MAML2: variants seen among roughly 807,000 people sequenced by gnomAD.
MAML2 encodes the protein mastermind like transcriptional coactivator 2.
MAML2 carries 22 observed loss-of-function variants against 96.1 expected under a neutral mutation model. The ratio of observed to expected loss-of-function variants is 0.23; its 90% confidence interval spans 0.16 to 0.33. The LOEUF is 0.33. Among genes scored for constraint, MAML2 ranks in the 10% least tolerant of loss-of-function variants. MAML2 has a pLI of 1.00. For missense variants in MAML2, 1,367 were observed against 1,392.4 expected (o/e 0.98, Z 0.29); for synonymous variants, 561 against 521.3 (o/e 1.08, Z -1.04).
At chr11:96,233,993 C>T (rs1349721006) in intron 1 of MAML2, among the ~76,000 whole-genome samples, 1 of 152,190 alleles carries the variant, frequency 6.6e-6, no homozygotes, top group Non-Finnish European at 1.5e-5. Flanking sequence ...GCACTGTCTC[C>T]ATCCTATGTC....
chr11:96,161,242 A>G (rs185287468), intron 1 of MAML2, among the ~76,000 whole-genome samples: 5 of 152,316 alleles, frequency 3.3e-5, no homozygotes, highest in African/African-American at 1.2e-4. Context: ...GTGGTGGGGA[A>G]GGCAAGGGAA....
intron 1 of MAML2, among the ~76,000 whole-genome samples, chr11:96,170,753 C>T (rs907875598): frequency 3.9e-5 from 6 of 152,104 alleles, no homozygotes; most frequent in South Asian, 2.1e-4. Context: ...CTTGCTCTGT[C>T]GCCCAGGCTG....
At chr11:96,298,329 G>C (rs1863331130) in intron 1 of MAML2, among the ~76,000 whole-genome samples, 1 of 152,236 alleles carries the variant, frequency 6.6e-6, no homozygotes, top group Non-Finnish European at 1.5e-5. Flanking sequence ...AAACAGTGAG[G>C]ATGGAATGGC....
rs201114314 is a variant in MAML2 at position 96,091,983 on chromosome 11, G to A, written c.2048C>T (p.Pro683Leu). The A allele has an allele frequency of 1.2e-6, 2 of 1,600,484 alleles. No individual in the cohort carries two copies. The highest frequency in any genetic ancestry group is 1.7e-5 in the Admixed American group (1 of 57,726). Reference protein sequence around the residue: ...SLPSQPLLRSPLPLQQKLLLQ... With the variant: ...SLPSQPLLRSLLPLQQKLLLQ... ...TAGGAGCTTTTGCTGAAGTGGCAAA[G>A]GTGACCTTAGCAAAGGCTGGCTTGG... is the stretch of plus-strand genomic sequence containing the variant. The change falls in exon 2 of 5, where the codon CCT becomes CTT. Residue 683 changes from proline to leucine, a missense_variant. By Grantham distance (98) the Pro-to-Leu change is moderately conservative. Coordinates refer to ENST00000524717, the MANE Select transcript of MAML2 (RefSeq NM_032427.4).
chr11:96,167,988 C>T (rs1372812658), intron 1 of MAML2, among the ~76,000 whole-genome samples: 4 of 152,256 alleles, frequency 2.6e-5, no homozygotes, highest in Admixed American at 6.5e-5. Flanking sequence ...TGAGCTCCTG[C>T]GGTTGGGGCT....
chr11:96,241,391 T>C (rs1398384810), intron 1 of MAML2, among the ~76,000 whole-genome samples: 1 of 151,956 alleles, frequency 6.6e-6, no homozygotes, highest in Non-Finnish European at 1.5e-5. Context: ...ACTATTCCCC[T>C]ATTGCAGTGG....
chr11:96,162,056 G>A (rs1565233519), intron 1 of MAML2, among the ~76,000 whole-genome samples: 1 of 152,008 alleles, frequency 6.6e-6, no homozygotes, highest in Non-Finnish European at 1.5e-5. Flanking sequence ...TTTAAATGCT[G>A]AGAAGACATC....
At chr11:96,025,313 G>A (rs1208683032) in intron 2 of MAML2, among the ~76,000 whole-genome samples, 1 of 152,112 alleles carries the variant, frequency 6.6e-6, no homozygotes, top group African/African-American at 2.4e-5. Context: ...AAACCAAGTA[G>A]TGTATGTTCT....
intron 1 of MAML2, among the ~76,000 whole-genome samples, chr11:96,227,831 G>T (rs995074700): frequency 3.3e-5 from 5 of 152,230 alleles, no homozygotes; most frequent in African/African-American, 9.6e-5. Flanking sequence ...GCCAGGTGCA[G>T]TGGCTCATGC....
chr11:96,244,485 T>C (rs993898103), intron 1 of MAML2, among the ~76,000 whole-genome samples: 13 of 152,238 alleles, frequency 8.5e-5, no homozygotes, highest in Admixed American at 6.5e-5. Context: ...ATTCATGATA[T>C]CTACACGTTG....
chr11:96,292,411 A>G (rs1057365421), intron 1 of MAML2, among the ~76,000 whole-genome samples: 7 of 152,236 alleles, frequency 4.6e-5, no homozygotes, highest in Non-Finnish European at 1.0e-4. Flanking sequence ...TGCTATAGAT[A>G]CTTTTTCCTA....
At chr11:96,303,186 T>A (rs1017728409) in intron 1 of MAML2, among the ~76,000 whole-genome samples, 6 of 152,336 alleles carry the variant, frequency 3.9e-5, no homozygotes, top group African/African-American at 1.4e-4. Context: ...CTCTATACTT[T>A]GCTCAAAAAA....
chr11:96,047,638 C>T (rs778572317), intron 2 of MAML2, among the ~76,000 whole-genome samples: 39 of 152,018 alleles, frequency 2.6e-4, no homozygotes, highest in African/African-American at 5.1e-4. Context: ...TGGCCGGGCG[C>T]GGTGGCTCAT....
chr11:95,991,487 G>T (rs1302038582), intron 3 of MAML2, 33 bp downstream of exon 3: 3 of 1,594,356 alleles, frequency 1.9e-6, no homozygotes, highest in Non-Finnish European at 2.6e-6. Flanking sequence ...GGGTCAACAG[G>T]TTTGTTCAGT....
At chr11:96,277,048 T>G (rs1289368265) in intron 1 of MAML2, among the ~76,000 whole-genome samples, 1 of 152,090 alleles carries the variant, frequency 6.6e-6, no homozygotes, top group African/African-American at 2.4e-5. Context: ...ACTCACAGCA[T>G]GAAAGATAAG....
intron 1 of MAML2, among the ~76,000 whole-genome samples, chr11:96,182,957 C>CTT (rs11301035): frequency 1.8e-5 from 2 of 108,254 alleles, no homozygotes; most frequent in Admixed American, 9.9e-5. Context: ...CCTTTCTTTT[C>CTT]TTTTTTTTTT....
At chr11:96,054,864 T>A (rs1403849511) in intron 2 of MAML2, among the ~76,000 whole-genome samples, 1 of 152,034 alleles carries the variant, frequency 6.6e-6, no homozygotes, top group East Asian at 1.9e-4. Context: ...TTATTCAGAT[T>A]AGAAAAAAAT....
chr11:96,277,794 A>G (rs1280742604), intron 1 of MAML2, among the ~76,000 whole-genome samples: 1 of 152,036 alleles, frequency 6.6e-6, no homozygotes, highest in Non-Finnish European at 1.5e-5. Context: ...AATAAAAGAT[A>G]TCTTAGAAGA....
At chr11:96,236,699 A>C (rs475892) in intron 1 of MAML2, among the ~76,000 whole-genome samples, 82,752 of 151,938 alleles carry the variant, frequency 0.54, 23,999 homozygotes, top group Non-Finnish European at 0.66. Flanking sequence ...ATATATATTA[A>C]CATATAACAT....
Sources: gnomAD v4.1 joint callset for allele counts (sites outside exome capture counted in the v4.1 genomes callset) on GRCh38, gnomAD v4.1.1 for gene constraint, MANE v1.5 for transcripts, NCBI Gene and HGNC (gene_info 2026-07-23, HGNC 2026-07-21) for gene names.